ZNF341: variants seen among roughly 807,000 people sequenced by gnomAD.
The protein encoded by ZNF341 is zinc finger protein 341.
Under a neutral mutation model 87.7 loss-of-function variants are expected in ZNF341, and 52 were observed. The observed-to-expected ratio is 0.59, with a 90% CI of 0.47 to 0.75. The LOEUF (loss-of-function observed/expected upper bound fraction) is 0.75. Among genes scored for constraint, ZNF341 ranks in the 30% least tolerant of loss-of-function variants. The pLI, the probability that ZNF341 is intolerant of heterozygous loss-of-function variation, is 0.00. For missense variants in ZNF341, 977 were observed against 1,145.9 expected, an observed-to-expected ratio of 0.85 and a Z score of 2.13; for synonymous variants, 459 against 472.7, an observed-to-expected ratio of 0.97 and a Z score of 0.38.
At chr20:33,739,618 G>A (rs2018760816) in intron 1 of ZNF341, among the ~76,000 whole-genome samples, 1 of 152,192 alleles carries the variant, frequency 6.6e-6, no homozygotes, top group Admixed American at 6.5e-5. Flanking sequence ...AAATAAGGAA[G>A]GCAAGGACGC....
intron 10 of ZNF341, among the ~76,000 whole-genome samples, chr20:33,773,432 A>T (rs2019566908): frequency 6.6e-6 from 1 of 152,122 alleles, no homozygotes; most frequent in African/African-American, 2.4e-5. Flanking sequence ...CCCCATTTGG[A>T]TGGCCTGAAG....
At chr20:33,788,507 CCTT>C in intron 12 of ZNF341, 1 of 326,932 alleles carries the variant, frequency 3.1e-6, no homozygotes, top group Non-Finnish European at 6.0e-6. Flanking sequence ...GCTGCCCTCA[CCTT>C]CTGCCTTGTT....
chr20:33,775,355 C>T (rs1186900289), intron 10 of ZNF341, among the ~76,000 whole-genome samples: 1 of 151,676 alleles, frequency 6.6e-6, no homozygotes, highest in East Asian at 1.9e-4. Flanking sequence ...GACTACAAGG[C>T]ACCTGCCACC....
At chr20:33,763,603 C>T (rs1361406851) in intron 8 of ZNF341, among the ~76,000 whole-genome samples, 1 of 151,980 alleles carries the variant, frequency 6.6e-6, no homozygotes, top group African/African-American at 2.4e-5. Context: ...CTGGCTAACA[C>T]GTAGTTTTTC....
chr20:33,744,324 G>GA (rs962282530), intron 2 of ZNF341, among the ~76,000 whole-genome samples: 2 of 151,642 alleles, frequency 1.3e-5, no homozygotes, highest in Non-Finnish European at 2.9e-5. Flanking sequence ...GAAAGAAAAA[G>GA]AAAAAAAGAC....
rs34100674 is a variant in ZNF341, at chr20:33,779,448, C to CTT, written c.1623-1824_1623-1823dup. Among the ~76,000 whole-genome samples, 242 of 129,074 alleles carry CTT rather than the reference C, an allele frequency of 1.9e-3. 1 individual carries two copies. The highest frequency in any genetic ancestry group is 6.0e-3 in the African/African-American group (210 of 34,886). 84.7% of individuals were successfully genotyped at this position (129,074 alleles called of 152,430 possible). A position where few individuals can be genotyped will look rare whatever the true frequency, so the allele number is the denominator to read the frequency against. On this transcript the variant is annotated intron_variant, in intron 10 of 14. Transcript: ENST00000375200. ...TATGTCAGACTCTGTGACAATCTCCCTTTTTTTTTTTTTTTTTTTTGAGAT... is the reference window on the plus strand; with the variant it reads ...TATGTCAGACTCTGTGACAATCTCCCTTTTTTTTTTTTTTTTTTTTTTGAGAT...
intron 4 of ZNF341, among the ~76,000 whole-genome samples, chr20:33,751,252 A>G (rs1036532623): frequency 6.6e-6 from 1 of 152,046 alleles, no homozygotes; most frequent in Non-Finnish European, 1.5e-5. Context: ...TTTTTGTAGC[A>G]TAAATTTCTA....
chr20:33,768,126 G>GT (rs34236809), intron 9 of ZNF341, among the ~76,000 whole-genome samples: 91,157 of 149,466 alleles, frequency 0.61, 28,743 homozygotes, highest in East Asian at 0.94. Context: ...AGGATCAAGT[G>GT]TTTTTTTTTT....
chr20:33,759,887 A>G (rs2019257485), intron 7 of ZNF341, among the ~76,000 whole-genome samples: 2 of 152,008 alleles, frequency 1.3e-5, no homozygotes, highest in African/African-American at 4.8e-5. Context: ...GACGTTTTGG[A>G]TCTTGGATCA....
intron 8 of ZNF341, among the ~76,000 whole-genome samples, chr20:33,765,961 C>T (rs961591733): frequency 6.6e-6 from 1 of 152,174 alleles, no homozygotes; most frequent in African/African-American, 2.4e-5. Context: ...TGGCTCACTG[C>T]GACCTCCACC....
chr20:33,789,623 T>G, intron 14 of ZNF341, 35 bp downstream of exon 14: 2 of 1,610,548 alleles, frequency 1.2e-6, no homozygotes, highest in Non-Finnish European at 1.7e-6. Context: ...GAGGGTCTGG[T>G]TCAGCTCTAG....
intron 1 of ZNF341, among the ~76,000 whole-genome samples, chr20:33,738,417 CT>C (rs2018736193): frequency 6.6e-6 from 1 of 152,194 alleles, no homozygotes; most frequent in South Asian, 2.1e-4. Flanking sequence ...ACCTCATGGT[CT>C]TTCATTAGCT....
chr20:33,776,227 C>T (rs1466843856), intron 10 of ZNF341, among the ~76,000 whole-genome samples: 1 of 151,800 alleles, frequency 6.6e-6, no homozygotes, highest in Non-Finnish European at 1.5e-5. Context: ...GCTGGGACTA[C>T]AAGCATGCAC....
intron 11 of ZNF341, among the ~76,000 whole-genome samples, chr20:33,781,971 C>T (rs1277463483): frequency 6.6e-6 from 1 of 152,088 alleles, no homozygotes; most frequent in African/African-American, 2.4e-5. Flanking sequence ...TGAGCCACTG[C>T]ACCCAGCCTA....
intron 12 of ZNF341, among the ~76,000 whole-genome samples, chr20:33,784,306 A>C (rs1601290071): frequency 6.4e-5 from 1 of 15,716 alleles, no homozygotes; most frequent in Non-Finnish European, 1.1e-4. Flanking sequence ...CTTCTTCCCC[A>C]TCTCCCTGCA....
intron 12 of ZNF341, among the ~76,000 whole-genome samples, chr20:33,784,313 T>A: frequency 4.1e-5 from 1 of 24,288 alleles, no homozygotes; most frequent in Non-Finnish European, 7.5e-5. Flanking sequence ...CCCATCTCCC[T>A]GCAGCCCCCT....
Position 33,732,973 on chromosome 20 carries a change from T to C in ZNF341, c.31+921T>C, listed in dbSNP as rs554924745. ...ATGAGTATACAGATAGGGTGCAAAC[T>C]CGAAGTACTGGACTGGCGGGATGAA... On this transcript the variant is annotated intron_variant, in intron 1 of 14. Transcript: ENST00000375200. This position sits in a 1 kb window ranked among gnomAD's most constrained non-coding sequence, Gnocchi z 4.5. Among the ~76,000 whole-genome samples, 5 of 152,308 alleles carry C rather than the reference T, an allele frequency of 3.3e-5. No individual in the cohort carries two copies. In the South Asian group the frequency reaches 1.0e-3, roughly 32 times the overall value.
chr20:33,745,853 G>T (rs2018907798), intron 3 of ZNF341, among the ~76,000 whole-genome samples: 3 of 152,036 alleles, frequency 2.0e-5, no homozygotes, highest in African/African-American at 7.2e-5. Context: ...GAGTGGCTGG[G>T]ACTGAGTAAG....
At chr20:33,790,781 G>A (rs560763085) in intron 14 of ZNF341, among the ~76,000 whole-genome samples, 41 of 152,186 alleles carry the variant, frequency 2.7e-4, no homozygotes, top group Non-Finnish European at 5.0e-4. Flanking sequence ...AGGCGCAGAG[G>A]GAGGAGCCAG....
Sources: gnomAD v4.1 joint callset for allele counts (sites outside exome capture counted in the v4.1 genomes callset) on GRCh38, gnomAD v4.1.1 for gene constraint, Gnocchi (gnomAD v3.1) non-coding constraint, MANE v1.5 for transcripts, NCBI Gene and HGNC (gene_info 2026-07-23, HGNC 2026-07-21) for gene names.